Variants in CNOT2 observed in about 807,000 individuals in gnomAD.
CNOT2 encodes the protein CCR4-NOT transcription complex subunit 2.
In CNOT2, 7 loss-of-function variants were observed where a neutral mutation model predicts 72.1. The observed-to-expected ratio is 0.10, with a 90% CI of 0.06 to 0.18. CNOT2 has a LOEUF of 0.18. Among genes scored for constraint, CNOT2 ranks in the 10% least tolerant of loss-of-function variants. CNOT2 has a pLI of 1.00. For synonymous variants in CNOT2, 196 were observed against 225.6 expected (o/e 0.87, Z 1.17); for missense variants, 345 against 660.3 (o/e 0.52, Z 5.23).
At chr12:70,335,308 C>T in intron 7 of CNOT2, 130 bp from the exon 8 acceptor site, 1 of 657,364 alleles carries the variant, frequency 1.5e-6, no homozygotes, top group Non-Finnish European at 2.7e-6. Flanking sequence ...CACCTACATA[C>T]ACCTAGTACA....
At chr12:70,330,500 G>T in intron 6 of CNOT2, 31 bp downstream of exon 6, 1 of 1,503,572 alleles carries the variant, frequency 6.7e-7, no homozygotes. Context: ...GTGTATAATT[G>T]TCTTTCTGGG....
intron 2 of CNOT2, chr12:70,294,034 T>C (rs764996536): frequency 9.8e-7 from 1 of 1,022,442 alleles, no homozygotes; most frequent in South Asian, 1.3e-5. Context: ...AACTGGACAT[T>C]CAGATCTTTA....
intron 4 of CNOT2, among the ~76,000 whole-genome samples, chr12:70,325,186 AAG>A (rs1220458353): frequency 2.7e-5 from 4 of 149,306 alleles, no homozygotes; most frequent in Admixed American, 2.1e-4. Context: ...AGAAAGAAGA[AAG>A]AAGATTATAA....
intron 1 of CNOT2, among the ~76,000 whole-genome samples, chr12:70,270,322 C>A (rs1959189455): frequency 1.3e-5 from 2 of 152,052 alleles, no homozygotes. Context: ...ATAAATAAAG[C>A]AAACAATACG....
At chr12:70,306,902 A>G (rs561127010) in intron 2 of CNOT2, among the ~76,000 whole-genome samples, 14 of 152,386 alleles carry the variant, frequency 9.2e-5, no homozygotes, top group East Asian at 3.9e-4. Context: ...CCTAGGCTAT[A>G]AACATGTACA....
At chr12:70,338,248 A>G (rs1366483560) in intron 9 of CNOT2, 195 bp from the exon 10 acceptor site, 2 of 434,124 alleles carry the variant, frequency 4.6e-6, no homozygotes, top group African/African-American at 4.1e-5. Context: ...AAATACTCAA[A>G]TGTGGATGAT....
intron 9 of CNOT2, 99 bp downstream of exon 9, chr12:70,337,612 T>C: frequency 8.6e-7 from 1 of 1,166,550 alleles, no homozygotes; most frequent in South Asian, 1.3e-5. Context: ...CAAAACTGTT[T>C]TATCTTGATA....
At chr12:70,305,148 G>T (rs75411451) in intron 2 of CNOT2, among the ~76,000 whole-genome samples, 1 of 152,182 alleles carries the variant, frequency 6.6e-6, no homozygotes. Flanking sequence ...CCCTGTTTCG[G>T]CTCACGCATG....
intron 1 of CNOT2, among the ~76,000 whole-genome samples, chr12:70,270,668 C>T (rs1665041656): frequency 6.6e-6 from 1 of 152,156 alleles, no homozygotes; most frequent in South Asian, 2.1e-4. Context: ...CTGACCCACT[C>T]TTTTAAACAA....
intron 2 of CNOT2, among the ~76,000 whole-genome samples, chr12:70,295,021 T>C (rs893269654): frequency 6.6e-6 from 1 of 152,168 alleles, no homozygotes; most frequent in Non-Finnish European, 1.5e-5. Context: ...CTGGAAATCA[T>C]GATCTAAACA....
At chr12:70,253,311 CT>C (rs1958241710) in intron 1 of CNOT2, among the ~76,000 whole-genome samples, 1 of 152,076 alleles carries the variant, frequency 6.6e-6, no homozygotes, top group Non-Finnish European at 1.5e-5. Flanking sequence ...AAAATATTTT[CT>C]TCCCTTAAGT....
At chr12:70,314,361 A>G (rs554525473) in intron 3 of CNOT2, among the ~76,000 whole-genome samples, 1 of 152,080 alleles carries the variant, frequency 6.6e-6, no homozygotes, top group Non-Finnish European at 1.5e-5. Flanking sequence ...CATCTGTAAA[A>G]TAGGAACAAT....
At chr12:70,324,185 G>A (rs1263118364) in intron 4 of CNOT2, 1 of 151,802 alleles carries the variant, frequency 6.6e-6, no homozygotes, top group East Asian at 1.9e-4. Context: ...GAAACTACCA[G>A]TGTTAAATCC....
chr12:70,296,205 G>GC (rs1256141258), intron 2 of CNOT2, among the ~76,000 whole-genome samples: 3 of 151,776 alleles, frequency 2.0e-5, no homozygotes, highest in Admixed American at 6.6e-5. Flanking sequence ...TATTGGATGA[G>GC]CCCCCCAAAA....
At chr12:70,260,344 G>A (rs1360686544) in intron 1 of CNOT2, among the ~76,000 whole-genome samples, 1 of 151,468 alleles carries the variant, frequency 6.6e-6, no homozygotes, top group Non-Finnish European at 1.5e-5. Context: ...GGTATGTTTT[G>A]TATTACTTTT....
chr12:70,330,926 T>C (rs1356885304), intron 6 of CNOT2: 1 of 152,826 alleles, frequency 6.5e-6, no homozygotes, highest in Non-Finnish European at 1.5e-5. Context: ...ATCACATCTA[T>C]AGTATTTGAA....
intron 1 of CNOT2, among the ~76,000 whole-genome samples, chr12:70,251,954 G>A (rs552603805): frequency 2.2e-4 from 34 of 152,264 alleles, no homozygotes; most frequent in African/African-American, 8.2e-4. Context: ...ATCTAAATCA[G>A]TGATAAAATC....
intron 2 of CNOT2, among the ~76,000 whole-genome samples, chr12:70,293,519 T>G (rs1872300023): frequency 1.3e-5 from 2 of 152,190 alleles, no homozygotes; most frequent in Admixed American, 6.5e-5. Flanking sequence ...ATCTTAAAAT[T>G]TTTCTCTTTA....
intron 1 of CNOT2, among the ~76,000 whole-genome samples, chr12:70,246,451 G>A (rs554524346): frequency 3.3e-5 from 5 of 152,292 alleles, no homozygotes; most frequent in East Asian, 1.9e-4. Flanking sequence ...GGGCAGTTTA[G>A]GGGCAGAGTT....
Sources: allele counts gnomAD v4.1 joint callset (sites outside exome capture counted in the v4.1 genomes callset), GRCh38; gene constraint gnomAD v4.1.1; transcripts MANE v1.5; gene names NCBI Gene and HGNC (gene_info 2026-07-23, HGNC 2026-07-21).